Variants in FYB2 observed in about 807,000 individuals in gnomAD.
FYB2 encodes the protein FYN-binding protein 2.
Under a neutral mutation model 94.1 loss-of-function variants are expected in FYB2, and 103 were observed. The ratio of observed to expected loss-of-function variants is 1.09; its 90% confidence interval spans 0.93 to 1.29. The LOEUF (loss-of-function observed/expected upper bound fraction) is 1.29. Among genes scored for constraint, FYB2 ranks in the 50% most tolerant of loss-of-function variants. The pLI is 0.00. For missense variants in FYB2, 896 were observed against 841.5 expected, an observed-to-expected ratio of 1.06 and a Z score of -0.80; for synonymous variants, 293 against 287.9, an observed-to-expected ratio of 1.02 and a Z score of -0.18.
chr1:56,810,370 C>T (rs1448690712), intron 1 of FYB2, among the ~76,000 whole-genome samples: 2 of 150,784 alleles, frequency 1.3e-5, no homozygotes, highest in Non-Finnish European at 2.9e-5. Flanking sequence ...GTGAAACTAC[C>T]CTATGAAGTA....
chr1:56,800,487 T>A (rs772121687), intron 1 of FYB2, among the ~76,000 whole-genome samples: 7 of 152,026 alleles, frequency 4.6e-5, no homozygotes, highest in African/African-American at 7.2e-5. Flanking sequence ...ATAAATAAAT[T>A]AATTAATTAA....
At chr1:56,787,320 G>T (rs1646155038) in intron 3 of FYB2, 112 bp from the exon 4 acceptor site, 15 of 1,341,788 alleles carry the variant, frequency 1.1e-5, no homozygotes, top group East Asian at 7.1e-5. Flanking sequence ...GTGGAAGCTT[G>T]CCTGTGCCTG....
chr1:56,785,185 C>T (rs1160672066), intron 4 of FYB2, among the ~76,000 whole-genome samples: 6 of 152,184 alleles, frequency 3.9e-5, no homozygotes, highest in African/African-American at 1.4e-4. Flanking sequence ...CATGTTGAAA[C>T]AGATTGCCGT....
At chr1:56,815,800 C>A (rs977093405) in intron 1 of FYB2, among the ~76,000 whole-genome samples, 7 of 152,170 alleles carry the variant, frequency 4.6e-5, no homozygotes, top group African/African-American at 1.7e-4. Flanking sequence ...GCTCATTCAT[C>A]AAAAATTCAA....
chr1:56,749,310 C>T (rs1645142239), intron 9 of FYB2, among the ~76,000 whole-genome samples: 1 of 151,654 alleles, frequency 6.6e-6, no homozygotes. Context: ...TTATGGAATT[C>T]TGATTTTTCT....
intron 4 of FYB2, among the ~76,000 whole-genome samples, chr1:56,780,986 G>A (rs147376060): frequency 2.2e-4 from 33 of 152,224 alleles, no homozygotes; most frequent in African/African-American, 7.9e-4. Flanking sequence ...CAGCGTGCTG[G>A]GACTTCCTGG....
intron 15 of FYB2, among the ~76,000 whole-genome samples, chr1:56,734,157 C>A (rs1471831469): frequency 1.3e-5 from 2 of 152,104 alleles, no homozygotes; most frequent in African/African-American, 4.8e-5. Context: ...GATCCCTTTA[C>A]CATAATGTAA....
At chr1:56,722,366 C>T (rs1456067413) in intron 17 of FYB2, among the ~76,000 whole-genome samples, 2 of 152,150 alleles carry the variant, frequency 1.3e-5, no homozygotes, top group East Asian at 1.9e-4. Flanking sequence ...ATAAAATAAC[C>T]ATTGTCCTCT....
chr1:56,777,190 C>T (rs1352578975), intron 4 of FYB2, among the ~76,000 whole-genome samples: 1 of 9,264 alleles, frequency 1.1e-4, no homozygotes, highest in Admixed American at 1.1e-3. Context: ...GCCGAGATCC[C>T]GCCACTGCAC....
chr1:56,808,239 C>T (rs1369870072), intron 1 of FYB2, among the ~76,000 whole-genome samples: 1 of 152,090 alleles, frequency 6.6e-6, no homozygotes, highest in Non-Finnish European at 1.5e-5. Context: ...TTGACTAAGA[C>T]CAAAGAGCTA....
intron 9 of FYB2, 42 bp from the exon 10 acceptor site, chr1:56,744,308 G>C: frequency 6.9e-7 from 1 of 1,449,588 alleles, no homozygotes; most frequent in Non-Finnish European, 9.6e-7. Flanking sequence ...CACATCAGCT[G>C]CCATCATAAA....
intron 15 of FYB2, among the ~76,000 whole-genome samples, chr1:56,727,681 A>G (rs1357629160): frequency 6.6e-6 from 1 of 152,140 alleles, no homozygotes; most frequent in East Asian, 1.9e-4. Context: ...AATTTATGAG[A>G]ACAGTCACCT....
chr1:56,750,661 G>T (rs1011701371), intron 9 of FYB2, among the ~76,000 whole-genome samples: 5 of 151,930 alleles, frequency 3.3e-5, no homozygotes, highest in African/African-American at 4.8e-5. Flanking sequence ...CTAGACAACA[G>T]GAGCTAGTAT....
At chr1:56,794,659 C>T (rs1646352400) in intron 1 of FYB2, among the ~76,000 whole-genome samples, 1 of 152,000 alleles carries the variant, frequency 6.6e-6, no homozygotes, top group South Asian at 2.1e-4. Flanking sequence ...TCTGTTCTCT[C>T]TTTATCTCTC....
Position 56,737,135 on chromosome 1 carries a change from T to C in FYB2, c.1745A>G (p.Gln582Arg), listed in dbSNP as rs1299817782. The change falls in exon 15 of 20, where the codon CAG becomes CGG. Residue 582 changes from glutamine to arginine, a missense_variant. By Grantham distance (43) the Gln-to-Arg change is conservative (BLOSUM62 1). Transcript: ENST00000343433. The part of the protein sequence containing the change: ...ILLPDLELKS[Q>R]EVIIYDDVDL... ...TACATCATCATAAATAATAACTTCCTGAGACTTAAGTTCTAGGGTCAAGAC... is the reference window on the plus strand; with the variant it reads ...TACATCATCATAAATAATAACTTCCCGAGACTTAAGTTCTAGGGTCAAGAC... The C allele has an allele frequency of 1.2e-6, 2 of 1,606,028 alleles. No individual in the cohort carries two copies. Among genetic ancestry groups the C allele is most frequent in the Non-Finnish European group, 1.7e-6 (2 of 1,174,826 alleles).
chr1:56,720,546 G>T (rs1186242637), intron 17 of FYB2: 2 of 371,494 alleles, frequency 5.4e-6, no homozygotes, highest in Non-Finnish European at 9.5e-6. Context: ...CATTTGTTTG[G>T]TATGATTATA....
intron 19 of FYB2, 118 bp from the exon 20 acceptor site, chr1:56,719,810 T>G: frequency 8.8e-7 from 1 of 1,133,856 alleles, no homozygotes; most frequent in Non-Finnish European, 1.2e-6. Context: ...TTTAAAATGT[T>G]TATAAAGCTG....
Position 56,720,287 on chromosome 1 carries a change from A to G in FYB2, c.2017T>C (p.Ser673Pro). 2 of 1,611,956 alleles carry G rather than the reference A, an allele frequency of 1.2e-6. No homozygotes were observed. Among genetic ancestry groups the G allele is most frequent in the Non-Finnish European group, 1.7e-6 (2 of 1,178,758 alleles). ...IIVINTAVACSNNSRNGIFDL... is the reference protein window; with the variant it reads ...IIVINTAVACPNNSRNGIFDL... ...AATATTCCATTTCTTGAATTATTGG[A>G]ACAGGCCACTGCTGTATTGATGACA... is the stretch of plus-strand genomic sequence containing the variant. The change falls in exon 18 of 20, where the codon TCC becomes CCC. Residue 673 changes from serine to proline, a missense_variant. Ser to Pro is a moderately conservative substitution (Grantham distance 74). Transcript: ENST00000343433.
At chr1:56,769,456 A>G (rs1272110530) in intron 4 of FYB2, among the ~76,000 whole-genome samples, 1 of 152,200 alleles carries the variant, frequency 6.6e-6, no homozygotes, top group Non-Finnish European at 1.5e-5. Flanking sequence ...TCCAACATAC[A>G]TATATTAAGG....
Sources: gnomAD v4.1 joint callset for allele counts (sites outside exome capture counted in the v4.1 genomes callset) on GRCh38, gnomAD v4.1.1 for gene constraint, MANE v1.5 for transcripts, NCBI Gene and HGNC (gene_info 2026-07-23, HGNC 2026-07-21) for gene names.